The following ARHGAP24 variants were observed in gnomAD, a reference collection of about 807,000 sequenced individuals.
ARHGAP24 encodes the protein Rho GTPase activating protein 24.
Under a neutral mutation model 76.4 loss-of-function variants are expected in ARHGAP24, and 50 were observed. The observed-to-expected ratio is 0.65, with a 90% CI of 0.52 to 0.83. ARHGAP24 has a LOEUF of 0.83. ARHGAP24 is among the 40% of genes least tolerant of loss of function. The pLI is 0.00. For missense variants in ARHGAP24, 930 were observed against 914.2 expected (o/e 1.02, Z -0.22); for synonymous variants, 345 against 323.3 (o/e 1.07, Z -0.72).
chr4:85,857,151 C>T (rs1302749031), intron 3 of ARHGAP24, among the ~76,000 whole-genome samples: 1 of 152,140 alleles, frequency 6.6e-6, no homozygotes, highest in Non-Finnish European at 1.5e-5. Flanking sequence ...GTGTTCTAGA[C>T]ATTGAGGATA....
At chr4:85,655,822 G>GAGAA (rs1435874597) in intron 2 of ARHGAP24, among the ~76,000 whole-genome samples, 15 of 107,928 alleles carry the variant, frequency 1.4e-4, no homozygotes, top group African/African-American at 5.3e-4. Flanking sequence ...GAGAGAAAGA[G>GAGAA]AGAGAGAGAG....
At chr4:85,657,550 G>C (rs748135364) in intron 2 of ARHGAP24, among the ~76,000 whole-genome samples, 5 of 152,124 alleles carry the variant, frequency 3.3e-5, no homozygotes, top group Non-Finnish European at 5.9e-5. Flanking sequence ...GGAATAGAGA[G>C]GGAAAATGGT....
At chr4:85,925,488 T>C (rs941179041) in intron 4 of ARHGAP24, among the ~76,000 whole-genome samples, 11 of 152,102 alleles carry the variant, frequency 7.2e-5, no homozygotes, top group Admixed American at 5.2e-4. Context: ...AAAAAATTCC[T>C]GATTTAAGAA....
chr4:85,576,368 T>G (rs1172778377), intron 2 of ARHGAP24, among the ~76,000 whole-genome samples: 1 of 151,462 alleles, frequency 6.6e-6, no homozygotes, highest in Non-Finnish European at 1.5e-5. Flanking sequence ...AGGCGGAGCT[T>G]GCAGTGAGGA....
intron 2 of ARHGAP24, among the ~76,000 whole-genome samples, chr4:85,678,538 A>G (rs1245558872): frequency 6.6e-6 from 1 of 152,226 alleles, no homozygotes; most frequent in African/African-American, 2.4e-5. Flanking sequence ...CATTAAAACA[A>G]GAGCCAAATA....
At chr4:85,660,974 C>T (rs528786482) in intron 2 of ARHGAP24, among the ~76,000 whole-genome samples, 1 of 152,106 alleles carries the variant, frequency 6.6e-6, no homozygotes, top group Non-Finnish European at 1.5e-5. Flanking sequence ...TAGCCACAGG[C>T]AAACACTTTG....
At chr4:85,944,597 G>T (rs1159946969) in intron 5 of ARHGAP24, among the ~76,000 whole-genome samples, 3 of 152,058 alleles carry the variant, frequency 2.0e-5, no homozygotes, top group Non-Finnish European at 4.4e-5. Flanking sequence ...TCAAATTTGG[G>T]TTTTGTTGCC....
intron 5 of ARHGAP24, among the ~76,000 whole-genome samples, chr4:85,954,617 T>A (rs142115706): frequency 1.7e-4 from 26 of 152,380 alleles, no homozygotes; most frequent in African/African-American, 5.8e-4. Context: ...GATCCTTGCT[T>A]GTTTTAATTT....
chr4:85,506,250 T>G (rs1174238296), intron 1 of ARHGAP24, among the ~76,000 whole-genome samples: 1 of 152,176 alleles, frequency 6.6e-6, no homozygotes, highest in Non-Finnish European at 1.5e-5. Context: ...TCAAACGCCA[T>G]GCTGGGAGAA....
chr4:85,555,419 C>A (rs1726318194), intron 1 of ARHGAP24, among the ~76,000 whole-genome samples: 1 of 152,196 alleles, frequency 6.6e-6, no homozygotes, highest in Non-Finnish European at 1.5e-5. Context: ...CCTATATTAG[C>A]AAAGTATTTT....
intron 1 of ARHGAP24, among the ~76,000 whole-genome samples, chr4:85,487,760 A>AT (rs1315453590): frequency 9.4e-6 from 1 of 106,924 alleles, no homozygotes; most frequent in Non-Finnish European, 1.7e-5. Context: ...TTTATTATAT[A>AT]TTATATAATA....
intron 8 of ARHGAP24, among the ~76,000 whole-genome samples, chr4:85,993,395 G>T (rs982395115): frequency 6.6e-6 from 1 of 152,130 alleles, no homozygotes; most frequent in South Asian, 2.1e-4. Context: ...TGTAGCAGTA[G>T]ATCTTGCTTA....
Position 85,696,771 on chromosome 4 carries a change from G to A in ARHGAP24, c.181-25114G>A, listed in dbSNP as rs76412423. On this transcript the variant is annotated intron_variant, in intron 2 of 9. Transcript: ENST00000395184. ...AAATCATGTTCATAGCTAAATCTGGGGCAGCACTTTCAACTGAGTAGAGGG... is the reference window on the plus strand; with the variant it reads ...AAATCATGTTCATAGCTAAATCTGGAGCAGCACTTTCAACTGAGTAGAGGG... 1.1e-3 allele frequency among the ~76,000 whole-genome samples: 168 copies of A among 152,220 alleles called. 1 individual carries two copies. Among genetic ancestry groups the A allele is most frequent in the African/African-American group, 3.9e-3 (161 of 41,552 alleles).
At chr4:85,666,919 C>G (rs1224543071) in intron 2 of ARHGAP24, among the ~76,000 whole-genome samples, 1 of 152,178 alleles carries the variant, frequency 6.6e-6, no homozygotes, top group African/African-American at 2.4e-5. Context: ...GGGGGTACCT[C>G]CCAGTTAGGC....
chr4:85,494,170 T>TA (rs1009920107), intron 1 of ARHGAP24, among the ~76,000 whole-genome samples: 14 of 152,092 alleles, frequency 9.2e-5, no homozygotes, highest in African/African-American at 2.7e-4. Context: ...TTATTTCTTC[T>TA]AAAAAAATGG....
In ARHGAP24 at chr4:85,755,693, C is replaced by T. The variant is rs573797880; in HGVS notation, c.268+33721C>T. On this transcript the variant is annotated intron_variant, in intron 3 of 9. Transcript: ENST00000395184. Reference sequence around the variant, plus strand: ...TGTTGCCCAGGCTGGAGTGCAATGGCGTGATCTCGGCTCACTACAACCTCT... The same window carrying T: ...TGTTGCCCAGGCTGGAGTGCAATGGTGTGATCTCGGCTCACTACAACCTCT... Among the ~76,000 whole-genome samples the T allele has an allele frequency of 1.8e-4, 25 of 137,338 alleles. No individual in the cohort carries two copies. In the South Asian group the frequency reaches 5.9e-3, roughly 33 times the overall value. 90.1% of individuals were successfully genotyped at this position (137,338 alleles called of 152,430 possible).
chr4:85,544,432 A>G (rs973322232), intron 1 of ARHGAP24, among the ~76,000 whole-genome samples: 3 of 152,164 alleles, frequency 2.0e-5, no homozygotes, highest in Non-Finnish European at 2.9e-5. Context: ...ACTGAACTGT[A>G]TAAGCTGATG....
chr4:85,935,894 A>G (rs1234132121), intron 4 of ARHGAP24, among the ~76,000 whole-genome samples: 2 of 152,174 alleles, frequency 1.3e-5, no homozygotes. Context: ...AAGAGTAAAG[A>G]TTCTATCAAC....
intron 2 of ARHGAP24, among the ~76,000 whole-genome samples, chr4:85,680,112 G>A (rs879348352): frequency 1.2e-4 from 18 of 152,084 alleles, no homozygotes; most frequent in Admixed American, 2.0e-4. Flanking sequence ...CATCAACACC[G>A]CAGTTGATAT....
Sources: gnomAD v4.1 joint callset for allele counts (sites outside exome capture counted in the v4.1 genomes callset) on GRCh38, gnomAD v4.1.1 for gene constraint, MANE v1.5 for transcripts, NCBI Gene and HGNC (gene_info 2026-07-23, HGNC 2026-07-21) for gene names.